PVT1: variants seen among roughly 807,000 people sequenced by gnomAD.
PVT1 encodes the protein Pvt1 oncogene.
Position 128,024,213 on chromosome 8 carries a change from G to A in PVT1, n.912+34922G>A, listed in dbSNP as rs1156478515. Among the ~76,000 whole-genome samples the A allele has an allele frequency of 7.2e-5, 11 of 152,320 alleles. No individual in the cohort carries two copies. In the East Asian group the frequency reaches 1.5e-3, roughly 21 times the overall value. ...GGAAGTGGCCTGCCGAAGGCTACAC[G>A]GCAGTGAGTGTAACCAGATTACCTG... is the stretch of plus-strand genomic sequence containing the variant. On this transcript the variant is annotated intron_variant and non_coding_transcript_variant, in intron 4 of 10. Coordinates refer to ENST00000651587, the Ensembl canonical transcript of PVT1.
chr8:127,972,252 G>A (rs1258181885), intron 3 of PVT1, among the ~76,000 whole-genome samples: 3 of 152,204 alleles, frequency 2.0e-5, no homozygotes, highest in African/African-American at 7.2e-5. Context: ...AGTGGCCTCC[G>A]TGGGGCAGGC....
chr8:127,887,425 A>G (rs1043616831), intron 2 of PVT1, among the ~76,000 whole-genome samples: 2 of 152,226 alleles, frequency 1.3e-5, no homozygotes, highest in Non-Finnish European at 2.9e-5. Flanking sequence ...ATTTGTTCAG[A>G]GTTTATAGTT....
intron 2 of PVT1, among the ~76,000 whole-genome samples, chr8:127,839,385 C>T (rs919643245): frequency 6.6e-6 from 1 of 151,166 alleles, no homozygotes; most frequent in African/African-American, 2.4e-5. Flanking sequence ...CTACCTCTAC[C>T]AAAATTATAA....
At position 127,911,525 on chromosome 8, in the gene PVT1, C is replaced by T. The variant is rs564703491; in HGVS notation, n.782+20527C>T. ...CACTGTGAAGTACGGGACTGGAGGTCTCCGGAGGAGATGGCAGCTCTAATA... is the reference window on the plus strand; with the variant it reads ...CACTGTGAAGTACGGGACTGGAGGTTTCCGGAGGAGATGGCAGCTCTAATA... On this transcript the variant is annotated intron_variant and non_coding_transcript_variant, in intron 3 of 10. Transcript: ENST00000651587. Among the ~76,000 whole-genome samples, 7 of 152,340 alleles carry T rather than the reference C, an allele frequency of 4.6e-5. No homozygotes were observed. The South Asian group carries it at 1.4e-3, about 32-fold the overall frequency.
intron 2 of PVT1, among the ~76,000 whole-genome samples, chr8:127,887,018 T>C (rs371531301): frequency 2.0e-5 from 3 of 152,328 alleles, no homozygotes; most frequent in East Asian, 1.9e-4. Flanking sequence ...CTCCCTAGTA[T>C]TGGGCAGCAA....
At chr8:127,948,484 G>A (rs1345420384) in intron 3 of PVT1, 3 of 157,206 alleles carry the variant, frequency 1.9e-5, no homozygotes, top group Non-Finnish European at 4.2e-5. Context: ...AGGGAAGCTT[G>A]GTGACTATGA....
chr8:127,959,853 T>A (rs1416058952), intron 3 of PVT1, among the ~76,000 whole-genome samples: 1 of 152,140 alleles, frequency 6.6e-6, no homozygotes, highest in East Asian at 1.9e-4. Context: ...TAGCCCCAAG[T>A]GCAATATACA....
intron 4 of PVT1, among the ~76,000 whole-genome samples, chr8:128,027,090 C>T (rs1394984960): frequency 2.0e-5 from 3 of 151,816 alleles, no homozygotes; most frequent in African/African-American, 7.3e-5. Flanking sequence ...TCCCTCTGTT[C>T]TTACATAAGA....
At chr8:128,057,771 C>T (rs565175315) in intron 4 of PVT1, among the ~76,000 whole-genome samples, 6 of 152,294 alleles carry the variant, frequency 3.9e-5, no homozygotes, top group Admixed American at 6.5e-5. Context: ...ATCTCCCCCA[C>T]GGTGTGTGCG....
At chr8:127,965,259 A>G (rs759052889) in intron 3 of PVT1, among the ~76,000 whole-genome samples, 1 of 152,242 alleles carries the variant, frequency 6.6e-6, no homozygotes, top group Non-Finnish European at 1.5e-5. Flanking sequence ...GAAGAGTACA[A>G]AGAACTCCCT....
chr8:127,849,189 G>A (rs951568583), intron 2 of PVT1, among the ~76,000 whole-genome samples: 4 of 152,152 alleles, frequency 2.6e-5, no homozygotes, highest in African/African-American at 9.7e-5. Flanking sequence ...AGATAATGCC[G>A]GCCTGGGGAT....
chr8:128,081,075 A>G (rs146209690), intron 5 of PVT1, among the ~76,000 whole-genome samples: 64 of 152,186 alleles, frequency 4.2e-4, no homozygotes, highest in African/African-American at 1.3e-3. Context: ...CTGCTTGTTT[A>G]TTATTTTGCC....
intron 3 of PVT1, among the ~76,000 whole-genome samples, chr8:127,940,696 G>T (rs961712175): frequency 2.9e-4 from 44 of 152,046 alleles, no homozygotes; most frequent in African/African-American, 1.0e-3. Flanking sequence ...GACCTCCAGG[G>T]CTCAAGGGGT....
chr8:127,865,030 G>A (rs929773298), intron 2 of PVT1, among the ~76,000 whole-genome samples: 2 of 152,174 alleles, frequency 1.3e-5, no homozygotes, highest in Non-Finnish European at 2.9e-5. Flanking sequence ...GGCTGTAGAC[G>A]GCAGGCCTGC....
chr8:127,863,806 C>T (rs1221937318), intron 2 of PVT1, among the ~76,000 whole-genome samples: 3 of 152,116 alleles, frequency 2.0e-5, no homozygotes, highest in Non-Finnish European at 4.4e-5. Flanking sequence ...ATCTGGGACC[C>T]GGTGTCTGGG....
At chr8:128,006,506 A>G (rs1272091954) in intron 4 of PVT1, among the ~76,000 whole-genome samples, 1 of 152,020 alleles carries the variant, frequency 6.6e-6, no homozygotes. Flanking sequence ...TTTTCTGTGT[A>G]ATGAATAAGT....
chr8:127,920,383 T>C (rs540459587), intron 3 of PVT1, among the ~76,000 whole-genome samples: 1 of 152,340 alleles, frequency 6.6e-6, no homozygotes, highest in Admixed American at 6.5e-5. Context: ...AGCCCAACTT[T>C]CCAGATTCAA....
chr8:128,014,242 A>G (rs1288355351), intron 4 of PVT1, among the ~76,000 whole-genome samples: 1 of 152,268 alleles, frequency 6.6e-6, no homozygotes, highest in African/African-American at 2.4e-5. Flanking sequence ...GTGGCCAGAC[A>G]GACGACATAG....
chr8:127,938,822 G>A (rs1034855663), intron 3 of PVT1, among the ~76,000 whole-genome samples: 3 of 152,180 alleles, frequency 2.0e-5, no homozygotes, highest in Admixed American at 1.3e-4. Flanking sequence ...GGTCTCGTTC[G>A]ATGGTGCAGT....
Sources: gnomAD v4.1 joint callset for allele counts (sites outside exome capture counted in the v4.1 genomes callset) on GRCh38, gnomAD v4.1.1 for gene constraint, MANE v1.5 for transcripts, NCBI Gene and HGNC (gene_info 2026-07-23, HGNC 2026-07-21) for gene names.